MTFR1: variants seen among roughly 807,000 people sequenced by gnomAD.
MTFR1 encodes mitochondrial fission regulator 1.
MTFR1 carries 28 observed loss-of-function variants against 38.8 expected under a neutral mutation model. The ratio of observed to expected loss-of-function variants is 0.72; its 90% confidence interval spans 0.53 to 0.99. The LOEUF (loss-of-function observed/expected upper bound fraction) is 0.99. Ranked by LOEUF, MTFR1 falls within the 50% of genes least tolerant of loss-of-function variation. The pLI, the probability that MTFR1 is intolerant of heterozygous loss-of-function variation, is 0.00. For missense variants in MTFR1, 358 were observed against 395.5 expected, an observed-to-expected ratio of 0.91 and a Z score of 0.81; for synonymous variants, 145 against 137.0, an observed-to-expected ratio of 1.06 and a Z score of -0.41.
chr8:65,664,937 T>C (rs986090821), intron 1 of MTFR1, among the ~76,000 whole-genome samples: 1 of 148,048 alleles, frequency 6.8e-6, no homozygotes, highest in Non-Finnish European at 1.5e-5. Flanking sequence ...AAAAAAATTT[T>C]TTTTTTTTTT....
At chr8:65,731,986 A>G (rs78227062) in intron 3 of MTFR1, among the ~76,000 whole-genome samples, 18,748 of 138,538 alleles carry the variant, frequency 0.14, 1,176 homozygotes, top group Non-Finnish European at 0.16. Context: ...TATTATTATT[A>G]TTGTTGTTGT....
intron 1 of MTFR1, among the ~76,000 whole-genome samples, chr8:65,655,974 T>TATATATATATGTATATATATAC (rs1809257212): frequency 1.2e-5 from 1 of 80,560 alleles, no homozygotes; most frequent in African/African-American, 5.6e-5. Context: ...ATATACCATA[T>TATATATATATGTATATATATAC]ATATATATAT....
chr8:65,719,521 T>C (rs191262062), intron 3 of MTFR1: 4 of 1,418,578 alleles, frequency 2.8e-6, no homozygotes, highest in Admixed American at 1.7e-5. Context: ...GAAAAAGTTA[T>C]TAACATATAT....
chr8:65,648,075 G>A (rs988334985), intron 1 of MTFR1, among the ~76,000 whole-genome samples: 17 of 151,996 alleles, frequency 1.1e-4, no homozygotes, highest in African/African-American at 2.9e-4. Context: ...GCAGTGGTGC[G>A]ATCTTGGCTC....
chr8:65,724,727 C>A, intron 3 of MTFR1: 2 of 1,455,262 alleles, frequency 1.4e-6, no homozygotes, highest in Non-Finnish European at 1.9e-6. Context: ...TTTAGTTTGA[C>A]AGTCACATAA....
Position 65,704,877 on chromosome 8 carries a change from A to G in MTFR1, c.465A>G (p.Arg155=). 3.1e-6 allele frequency: 5 copies of G among 1,611,306 alleles called. No individual in the cohort carries two copies. Among genetic ancestry groups the G allele is most frequent in the Non-Finnish European group, 4.2e-6 (5 of 1,178,436 alleles). ...CALENELAAL[R]AQIAKIVTQQ... ...TCGAAAATGAACTTGCTGCTCTCAG[A>G]GCTCAGATTGCCAAAATTGTGACCC... The change falls in exon 5 of 8, where the codon AGA becomes AGG. Residue 155 remains arginine (R), a synonymous_variant. Coordinates refer to ENST00000262146, the MANE Select transcript of MTFR1 (RefSeq NM_014637.4).
At chr8:65,731,986 A>ATTATTG (rs1057343677) in intron 3 of MTFR1, among the ~76,000 whole-genome samples, 5 of 138,666 alleles carry the variant, frequency 3.6e-5, no homozygotes, top group African/African-American at 5.5e-5. Context: ...TATTATTATT[A>ATTATTG]TTGTTGTTGT....
Position 65,707,253 on chromosome 8 carries a change from A to G in MTFR1, c.761A>G (p.Lys254Arg). Residue 254 changes from lysine to arginine, a missense_variant, in exon 6 of 8, where the codon AAG becomes AGG. Physicochemically the swap from Lys to Arg is conservative, Grantham distance 26. Transcript: ENST00000262146. ...EMNSVKLRSV[K>R]RSEQDVKPKP... is the part of the protein sequence containing the mutation. ...AACAGTGTAAAACTTCGGTCAGTGA[A>G]GAGGTGAGGATACATTCACCTTCTT... 1 of 1,613,720 alleles carries G rather than the reference A, an allele frequency of 6.2e-7. No individual in the cohort carries two copies. The highest frequency in any genetic ancestry group is 8.5e-7 in the Non-Finnish European group (1 of 1,179,840).
intron 1 of MTFR1, among the ~76,000 whole-genome samples, chr8:65,654,765 A>C (rs1251590028): frequency 6.6e-6 from 1 of 151,958 alleles, no homozygotes; most frequent in Admixed American, 6.6e-5. Flanking sequence ...TTTTGTAGAG[A>C]TGGGGTCTTG....
intron 1 of MTFR1, among the ~76,000 whole-genome samples, chr8:65,667,716 C>G (rs1231442634): frequency 6.6e-6 from 1 of 152,140 alleles, no homozygotes; most frequent in Non-Finnish European, 1.5e-5. Flanking sequence ...TGTGAGCCAC[C>G]ACACCTGGCC....
chr8:65,683,053 G>A (rs1163815593), intron 3 of MTFR1: 1 of 362,298 alleles, frequency 2.8e-6, no homozygotes, highest in East Asian at 1.7e-4. Flanking sequence ...TTCTCTTTTA[G>A]CACCAAATCT....
rs189500560 is a variant in MTFR1 at position 65,716,159 on chromosome 8, A to G, written c.382-3221A>G. 4.6e-3 allele frequency among the ~76,000 whole-genome samples: 698 copies of G among 151,650 alleles called. 21 individuals carry two copies. The highest frequency in any genetic ancestry group is 0.016 in the East Asian group (81 of 5,152). On this transcript the variant is annotated intron_variant, in intron 2 of 3. Coordinates refer to the MTFR1 transcript ENST00000521247. ...GCGAGACCCTGTCTCAAAAAAAAAAAAAAACAAAAGGGCTATAGAAGGTGA... is the reference window on the plus strand; with the variant it reads ...GCGAGACCCTGTCTCAAAAAAAAAAGAAAACAAAAGGGCTATAGAAGGTGA...
intron 3 of MTFR1, among the ~76,000 whole-genome samples, chr8:65,762,329 A>G (rs1352002772): frequency 6.6e-6 from 1 of 152,148 alleles, no homozygotes; most frequent in Non-Finnish European, 1.5e-5. Context: ...ATTTTCTTAG[A>G]AAAAAATTTT....
chr8:65,749,830 ATTGT>A (rs1807853035), intron 3 of MTFR1, among the ~76,000 whole-genome samples: 1 of 152,216 alleles, frequency 6.6e-6, no homozygotes. Flanking sequence ...TTTCTACAGT[ATTGT>A]TTATTTACTG....
intron 3 of MTFR1, among the ~76,000 whole-genome samples, chr8:65,766,918 G>T (rs532928421): frequency 1.3e-5 from 2 of 152,256 alleles, no homozygotes; most frequent in African/African-American, 4.8e-5. Context: ...GAGAGTTGAG[G>T]AAGTTTCTCA....
intron 3 of MTFR1, chr8:65,745,373 A>G (rs1432417195): frequency 1.7e-6 from 2 of 1,195,638 alleles, no homozygotes; most frequent in Non-Finnish European, 2.5e-6. Flanking sequence ...AATCTAGACT[A>G]CATTAACTTG....
At chr8:65,666,994 G>C (rs574061174) in intron 1 of MTFR1, among the ~76,000 whole-genome samples, 2 of 152,216 alleles carry the variant, frequency 1.3e-5, no homozygotes, top group African/African-American at 2.4e-5. Flanking sequence ...GAATTTTCCG[G>C]CCAGACGCGG....
chr8:65,646,523 A>G (rs1189190656), intron 1 of MTFR1, among the ~76,000 whole-genome samples: 1 of 152,188 alleles, frequency 6.6e-6, no homozygotes, highest in Non-Finnish European at 1.5e-5. Context: ...AAAGTTAAAG[A>G]TTATTACAAC....
rs151238942 is a variant in MTFR1, at chr8:65,644,773, C to T, written c.-92C>T. On this transcript the variant is annotated 5_prime_UTR_variant, in exon 1 of 8. Transcript: ENST00000262146. ...AGGAGCCGGAGAGGGTGCTGGCTGC[C>T]GCGCGGCCGAGGTGAGTAGGGTGGG... 2,172 of 152,674 alleles carry T rather than the reference C, an allele frequency of 0.014. 24 individuals are homozygous for T. The highest frequency in any genetic ancestry group is 0.023 in the Non-Finnish European group (1,565 of 68,338). The allele number at this position is 152,674 out of a possible 1,614,324, so 9.5% of individuals were successfully genotyped here. A position where few individuals can be genotyped will look rare whatever the true frequency, so the allele number is the denominator to read the frequency against.
Sources: gnomAD v4.1 joint callset for allele counts (sites outside exome capture counted in the v4.1 genomes callset) on GRCh38, gnomAD v4.1.1 for gene constraint, MANE v1.5 for transcripts, NCBI Gene and HGNC (gene_info 2026-07-23, HGNC 2026-07-21) for gene names.